The following ANKRD12 variants were observed in gnomAD, a reference collection of about 807,000 sequenced individuals.
ANKRD12 encodes ankyrin repeat domain-containing protein 12.
A neutral mutation model predicts 183.4 loss-of-function variants in ANKRD12; 85 were observed. That is an observed-to-expected ratio of 0.46 (90% confidence interval 0.39 to 0.56). The LOEUF (loss-of-function observed/expected upper bound fraction) is 0.56. ANKRD12 is among the 20% of genes least tolerant of loss of function. ANKRD12 has a pLI of 0.00. For missense variants in ANKRD12, 2,405 were observed against 2,357.1 expected, an observed-to-expected ratio of 1.02 and a Z score of -0.42; for synonymous variants, 914 against 800.2, an observed-to-expected ratio of 1.14 and a Z score of -2.40.
chr18:9,166,728 C>G (rs1598432706), intron 1 of ANKRD12, among the ~76,000 whole-genome samples: 2 of 152,150 alleles, frequency 1.3e-5, no homozygotes, highest in Admixed American at 6.5e-5. Flanking sequence ...TTAATTAGAT[C>G]CCATTTGTCA....
rs778299912 is a variant in ANKRD12, at chr18:9,221,853, T to C, written c.797T>C (p.Ile266Thr). The change falls in exon 8 of 13, where the codon ATA becomes ACA. Residue 266 changes from isoleucine (I) to threonine (T), a missense_variant and splice_region_variant. Coordinates refer to ENST00000262126, the MANE Select transcript of ANKRD12 (RefSeq NM_015208.5). ...TCTTCCTGCTTTTTATTGTTGCAGA[T>C]AGTAAAGCTGTTACTTCGTCACGGT... ...HDSASSGHRDIVKLLLRHGGN... is the reference protein window; with the variant it reads ...HDSASSGHRDTVKLLLRHGGN... 2 of 1,613,782 alleles carry C rather than the reference T, an allele frequency of 1.2e-6. No individual in the cohort carries two copies. Among genetic ancestry groups the C allele is most frequent in the Admixed American group, 1.7e-5 (1 of 59,978 alleles).
chr18:9,190,206 G>A (rs573274304), intron 2 of ANKRD12, among the ~76,000 whole-genome samples: 8 of 152,292 alleles, frequency 5.3e-5, no homozygotes, highest in Admixed American at 1.3e-4. Flanking sequence ...ATTGGAAAAC[G>A]CAAGAGAATG....
intron 4 of ANKRD12, among the ~76,000 whole-genome samples, chr18:9,205,860 G>A (rs2035458310): frequency 6.6e-6 from 1 of 152,064 alleles, no homozygotes; most frequent in Admixed American, 6.6e-5. Context: ...TTTGTGGGAA[G>A]ATGTTGTATT....
intron 1 of ANKRD12, among the ~76,000 whole-genome samples, chr18:9,168,395 G>C (rs1034199132): frequency 3.3e-5 from 5 of 152,118 alleles, no homozygotes; most frequent in African/African-American, 7.2e-5. Flanking sequence ...CTCAATTTCA[G>C]AGCCTGTTAT....
At chr18:9,222,865 C>G (rs752788122) in intron 8 of ANKRD12, among the ~76,000 whole-genome samples, 4 of 151,944 alleles carry the variant, frequency 2.6e-5, no homozygotes, top group African/African-American at 4.8e-5. Context: ...ACTTGTTGAA[C>G]AAAAATTGTA....
At chr18:9,208,549 A>G in intron 4 of ANKRD12, 108 bp from the exon 5 acceptor site, 1 of 898,294 alleles carries the variant, frequency 1.1e-6, no homozygotes, top group Admixed American at 3.2e-5. Flanking sequence ...CATATATTGT[A>G]CACATTTCTC....
intron 3 of ANKRD12, among the ~76,000 whole-genome samples, chr18:9,197,030 A>G (rs572286507): frequency 5.9e-5 from 9 of 152,278 alleles, no homozygotes; most frequent in Admixed American, 6.5e-5. Context: ...TTTTCCAATG[A>G]GAGTATATTT....
chr18:9,265,845 C>T (rs1337983602), intron 10 of ANKRD12, among the ~76,000 whole-genome samples: 1 of 151,910 alleles, frequency 6.6e-6, no homozygotes, highest in African/African-American at 2.4e-5. Flanking sequence ...GAAGTTCGAA[C>T]CCATGGCAAA....
chr18:9,237,400 T>A (rs2037407714), intron 8 of ANKRD12, among the ~76,000 whole-genome samples: 1 of 152,200 alleles, frequency 6.6e-6, no homozygotes, highest in Non-Finnish European at 1.5e-5. Flanking sequence ...ACAAAAATGC[T>A]CTTAAAAATA....
At chr18:9,160,296 T>C (rs1162058341) in intron 1 of ANKRD12, among the ~76,000 whole-genome samples, 2 of 152,036 alleles carry the variant, frequency 1.3e-5, no homozygotes. Context: ...AAAACAATTT[T>C]TTTAGAGATG....
chr18:9,201,732 T>A (rs975414187), intron 3 of ANKRD12, among the ~76,000 whole-genome samples: 1 of 152,196 alleles, frequency 6.6e-6, no homozygotes, highest in African/African-American at 2.4e-5. Context: ...CATGTTTAAA[T>A]AATCAGAAAG....
rs903811793 is a variant in ANKRD12 at position 9,203,628 on chromosome 18, A to T, written c.236-848A>T. ...ATTATTATTATTATTTTTTAAATGC[A>T]GAGTCTCACTCTGTCACCCAGGCTG... On this transcript the variant is annotated intron_variant, in intron 3 of 12. Coordinates refer to ENST00000262126, the MANE Select transcript of ANKRD12 (RefSeq NM_015208.5). Among the ~76,000 whole-genome samples the T allele has an allele frequency of 3.0e-4, 46 of 152,012 alleles. 1 individual carries two copies. The highest frequency in any genetic ancestry group is 9.2e-4 in the African/African-American group (38 of 41,388).
intron 1 of ANKRD12, among the ~76,000 whole-genome samples, chr18:9,173,946 C>G (rs904295855): frequency 3.9e-5 from 6 of 152,234 alleles, no homozygotes; most frequent in Admixed American, 6.5e-5. Flanking sequence ...CACTCCTCCC[C>G]CTAGGGGCTT....
intron 8 of ANKRD12, among the ~76,000 whole-genome samples, chr18:9,237,870 C>T (rs1355932215): frequency 6.6e-6 from 1 of 152,060 alleles, no homozygotes; most frequent in Non-Finnish European, 1.5e-5. Context: ...AATTTTTTTA[C>T]ACATATATTT....
At chr18:9,277,931 C>T (rs557364196) in intron 11 of ANKRD12, among the ~76,000 whole-genome samples, 2 of 152,288 alleles carry the variant, frequency 1.3e-5, no homozygotes, top group South Asian at 4.1e-4. Flanking sequence ...CCCAGATTTT[C>T]TTAATGATCC....
intron 5 of ANKRD12, among the ~76,000 whole-genome samples, chr18:9,210,408 G>A (rs764209923): frequency 7.2e-5 from 11 of 151,832 alleles, no homozygotes; most frequent in East Asian, 1.9e-4. Context: ...AACTATTACC[G>A]AGACAATGTA....
rs371315925 is a variant in ANKRD12, at chr18:9,248,835, G to A, written c.944-5376G>A. Reference sequence around the variant, plus strand: ...CTGTGCTCCGCATGGCAGTTAGTATGGGAAGTCATGGCATATGGATGAAAT... The same window carrying A: ...CTGTGCTCCGCATGGCAGTTAGTATAGGAAGTCATGGCATATGGATGAAAT... On this transcript the variant is annotated intron_variant, in intron 8 of 12. Coordinates refer to ENST00000262126, the MANE Select transcript of ANKRD12 (RefSeq NM_015208.5). Among the ~76,000 whole-genome samples, 37 of 152,314 alleles carry A rather than the reference G, an allele frequency of 2.4e-4. No individual in the cohort carries two copies. The South Asian group carries it at 5.4e-3, about 22-fold the overall frequency.
intron 2 of ANKRD12, among the ~76,000 whole-genome samples, chr18:9,184,619 C>T (rs1426714317): frequency 1.3e-5 from 2 of 152,190 alleles, no homozygotes; most frequent in Non-Finnish European, 2.9e-5. Flanking sequence ...GAGCCACCTG[C>T]CTCAGCCTCC....
At chr18:9,238,130 T>C (rs2037452956) in intron 8 of ANKRD12, among the ~76,000 whole-genome samples, 1 of 152,218 alleles carries the variant, frequency 6.6e-6, no homozygotes, top group South Asian at 2.1e-4. Context: ...GCCTTGGTTC[T>C]TGGGACAAAG....
Sources: allele counts gnomAD v4.1 joint callset (sites outside exome capture counted in the v4.1 genomes callset), GRCh38; gene constraint gnomAD v4.1.1; transcripts MANE v1.5; gene names NCBI Gene and HGNC (gene_info 2026-07-23, HGNC 2026-07-21).